Variants in RDH12 observed in about 807,000 individuals in gnomAD.
The protein encoded by RDH12 is retinol dehydrogenase 12, also known as all-trans and 9-cis retinol dehydrogenase.
A neutral mutation model predicts 34.0 loss-of-function variants in RDH12; 21 were observed. The ratio of observed to expected loss-of-function variants is 0.62; its 90% CI spans 0.44 to 0.89. RDH12 has a LOEUF of 0.89. Among genes scored for constraint, RDH12 ranks in the 40% least tolerant of loss-of-function variants. The pLI is 0.00. For missense variants in RDH12, 394 were observed against 398.6 expected, an observed-to-expected ratio of 0.99 and a Z score of 0.10; for synonymous variants, 198 against 169.9, an observed-to-expected ratio of 1.17 and a Z score of -1.29.
At chr14:67,705,737 A>T (rs947394543) in intron 1 of RDH12, among the ~76,000 whole-genome samples, 1 of 152,270 alleles carries the variant, frequency 6.6e-6, no homozygotes, top group African/African-American at 2.4e-5. Flanking sequence ...TTTTTGTATT[A>T]TTTTTGCAAT....
chr14:67,709,434 C>T (rs1275013607), intron 1 of RDH12, among the ~76,000 whole-genome samples: 5 of 152,182 alleles, frequency 3.3e-5, no homozygotes, highest in African/African-American at 1.2e-4. Context: ...CCTTTCATAA[C>T]CTTTATAACC....
rs953510866 is a variant in RDH12, at chr14:67,726,133, C to T, written c.426C>T (p.Thr142=). The change falls in exon 6 of 9, where the codon ACC becomes ACT. Residue 142 remains threonine, a synonymous_variant. Coordinates refer to ENST00000551171, the MANE Select transcript of RDH12 (RefSeq NM_152443.3). ...PYSKTADGFE[T]HLGVNHLGHF... ...CCAAGACAGCTGATGGCTTTGAAAC[C>T]CACCTGGGAGTCAACCACCTGGGTA... 2 of 1,612,174 alleles carry T rather than the reference C, an allele frequency of 1.2e-6. No individual in the cohort carries two copies. Among genetic ancestry groups the T allele is most frequent in the African/African-American group, 2.7e-5 (2 of 74,862 alleles).
At chr14:67,702,574 A>C (rs2037910534) in intron 1 of RDH12, among the ~76,000 whole-genome samples, 1 of 152,212 alleles carries the variant, frequency 6.6e-6, no homozygotes, top group Non-Finnish European at 1.5e-5. Context: ...ATGTATGTTG[A>C]CAATTTTGAA....
chr14:67,706,658 CTT>C (rs1195655625), intron 1 of RDH12, among the ~76,000 whole-genome samples: 8 of 152,156 alleles, frequency 5.3e-5, no homozygotes, highest in South Asian at 2.1e-4. Flanking sequence ...AGAGGGATGA[CTT>C]TGAATAGAAT....
chr14:67,705,508 C>T (rs980887523), intron 1 of RDH12, among the ~76,000 whole-genome samples: 8 of 152,190 alleles, frequency 5.3e-5, no homozygotes, highest in Admixed American at 2.0e-4. Flanking sequence ...GACTGCCAAA[C>T]GTGACCTGTA....
chr14:67,713,652 C>T (rs1016743948), intron 1 of RDH12, among the ~76,000 whole-genome samples: 1 of 152,164 alleles, frequency 6.6e-6, no homozygotes, highest in Non-Finnish European at 1.5e-5. Context: ...AAATTTGAGA[C>T]AGGTCTCAGT....
At chr14:67,720,018 A>G (rs1361873939) in intron 1 of RDH12, among the ~76,000 whole-genome samples, 1 of 152,166 alleles carries the variant, frequency 6.6e-6, no homozygotes, top group African/African-American at 2.4e-5. Context: ...ACTTCTCTCT[A>G]TGGAGGCTTT....
At chr14:67,720,494 G>T (rs967510377) in intron 1 of RDH12, among the ~76,000 whole-genome samples, 5 of 152,140 alleles carry the variant, frequency 3.3e-5, no homozygotes, top group Admixed American at 3.3e-4. Context: ...CGTCTTTGAG[G>T]TATTCGAATT....
intron 1 of RDH12, among the ~76,000 whole-genome samples, chr14:67,711,322 A>C (rs1264829785): frequency 1.3e-5 from 2 of 152,228 alleles, no homozygotes; most frequent in Non-Finnish European, 2.9e-5. Flanking sequence ...GTTTGGCAGT[A>C]ATAAGTATGA....
At chr14:67,710,725 AC>A in intron 1 of RDH12, among the ~76,000 whole-genome samples, 1 of 151,372 alleles carries the variant, frequency 6.6e-6, no homozygotes, top group South Asian at 2.1e-4. Flanking sequence ...TAAAGGACAC[AC>A]TTTTTTTTTT....
At chr14:67,720,192 C>A (rs977486042) in intron 1 of RDH12, among the ~76,000 whole-genome samples, 2 of 152,168 alleles carry the variant, frequency 1.3e-5, no homozygotes. Flanking sequence ...TGAAGAGCCA[C>A]TTGTATTTCC....
At chr14:67,712,923 T>A (rs2038026456) in intron 1 of RDH12, among the ~76,000 whole-genome samples, 1 of 151,992 alleles carries the variant, frequency 6.6e-6, no homozygotes, top group Non-Finnish European at 1.5e-5. Context: ...TTGCTGGCCA[T>A]TTTTCTCCTA....
intron 1 of RDH12, among the ~76,000 whole-genome samples, chr14:67,704,183 G>T (rs2037928824): frequency 6.6e-6 from 1 of 152,130 alleles, no homozygotes; most frequent in African/African-American, 2.4e-5. Flanking sequence ...AAAAATCTGT[G>T]CCTAAGAGGT....
rs1035808739 is a variant in RDH12, at chr14:67,729,303, G to C, written c.771G>C (p.Thr257=). Residue 257 remains threonine (T), a synonymous_variant, in exon 8 of 9, where the codon ACG becomes ACC. Coordinates refer to ENST00000551171, the MANE Select transcript of RDH12 (RefSeq NM_152443.3). The stretch of plus-strand genomic sequence containing the variant: ...GGCTCTTCTCCCCCTTTGTCAAGAC[G>C]GCACGGGAGGGGGCGCAGACCAGCC... The part of the protein sequence containing the change: ...LWRLFSPFVK[T]AREGAQTSLH... 1.1e-5 allele frequency: 18 copies of C among 1,601,948 alleles called. No homozygotes were observed. Among genetic ancestry groups the C allele is most frequent in the Admixed American group, 1.7e-5 (1 of 59,992 alleles).
rs551689481 is a variant in RDH12, at chr14:67,729,085, G to A, written c.659-106G>A. ...GGTACCTGCTGAATCCTGGGGTTATGTTTCCTGAGTCCCTCCTTCTCACTT... is the reference window on the plus strand; with the variant it reads ...GGTACCTGCTGAATCCTGGGGTTATATTTCCTGAGTCCCTCCTTCTCACTT... On this transcript the variant is annotated intron_variant, in intron 7 of 8. Coordinates refer to ENST00000551171, the MANE Select transcript of RDH12 (RefSeq NM_152443.3). 1.6e-4 allele frequency: 184 copies of A among 1,172,098 alleles called. 3 individuals are homozygous for A. The South Asian group carries it at 2.1e-3, about 13-fold the overall frequency. 72.6% of individuals were successfully genotyped at this position (1,172,098 alleles called of 1,614,324 possible).
intron 4 of RDH12, among the ~76,000 whole-genome samples, 172 bp from the exon 5 acceptor site, chr14:67,724,927 A>G (rs954605120): frequency 1.3e-5 from 2 of 152,234 alleles, no homozygotes; most frequent in African/African-American, 4.8e-5. Flanking sequence ...ACTGACAGCA[A>G]GAAGACTGAA....
intron 8 of RDH12, among the ~76,000 whole-genome samples, chr14:67,731,209 T>A (rs56412443): frequency 1.4e-5 from 1 of 69,156 alleles, no homozygotes. Flanking sequence ...CTTTCTTTCT[T>A]TTTTTTTTTT....
intron 1 of RDH12, among the ~76,000 whole-genome samples, chr14:67,713,116 T>C (rs531549860): frequency 6.6e-6 from 1 of 152,250 alleles, no homozygotes; most frequent in African/African-American, 2.4e-5. Context: ...CTGAGCACTC[T>C]AATGGTAAGC....
intron 1 of RDH12, among the ~76,000 whole-genome samples, chr14:67,716,684 G>T: frequency 6.6e-6 from 1 of 152,242 alleles, no homozygotes. Flanking sequence ...AGGAATTCGA[G>T]ACCAGCCTGG....
Sources: allele counts gnomAD v4.1 joint callset (sites outside exome capture counted in the v4.1 genomes callset), GRCh38; gene constraint gnomAD v4.1.1; transcripts MANE v1.5; gene names NCBI Gene and HGNC (gene_info 2026-07-23, HGNC 2026-07-21).